MAN1A2: variants seen among roughly 807,000 people sequenced by gnomAD.
The protein encoded by MAN1A2 is mannosyl-oligosaccharide 1,2-alpha-mannosidase IB.
Under a neutral mutation model 75.7 loss-of-function variants are expected in MAN1A2, and 26 were observed. The observed-to-expected ratio is 0.34, with a 90% confidence interval of 0.25 to 0.48. The LOEUF is 0.48. Ranked by LOEUF, MAN1A2 falls within the 20% of genes least tolerant of loss-of-function variation. The probability of loss-of-function intolerance (pLI) is 0.99; values close to 1 mark genes in which losing one functional copy is unlikely to be tolerated. For missense variants in MAN1A2, 562 were observed against 775.5 expected (o/e 0.72, Z 3.27); for synonymous variants, 247 against 264.6 (o/e 0.93, Z 0.65).
chr1:117,504,855 A>C (rs575724139), intron 12 of MAN1A2, among the ~76,000 whole-genome samples: 28 of 151,480 alleles, frequency 1.8e-4, no homozygotes, highest in African/African-American at 6.3e-4. Flanking sequence ...ACATGATCAG[A>C]TTTAGGTTAA....
At chr1:117,521,439 A>T (rs1443819303) in intron 12 of MAN1A2, among the ~76,000 whole-genome samples, 3 of 151,898 alleles carry the variant, frequency 2.0e-5, no homozygotes, top group African/African-American at 7.2e-5. Context: ...CAACATCACT[A>T]ATGATCAGGG....
intron 5 of MAN1A2, among the ~76,000 whole-genome samples, chr1:117,440,171 G>A (rs986173852): frequency 1.3e-5 from 2 of 152,182 alleles, no homozygotes; most frequent in Non-Finnish European, 1.5e-5. Context: ...TTCAGAATGT[G>A]TGATATTCTG....
At chr1:117,394,133 G>A (rs1163958252) in intron 1 of MAN1A2, among the ~76,000 whole-genome samples, 4 of 151,522 alleles carry the variant, frequency 2.6e-5, no homozygotes, top group Non-Finnish European at 1.5e-5. Context: ...CCAGGCTGGA[G>A]TGCAGTGGCG....
At chr1:117,490,429 T>C (rs537818073) in intron 8 of MAN1A2, among the ~76,000 whole-genome samples, 1 of 152,176 alleles carries the variant, frequency 6.6e-6, no homozygotes, top group African/African-American at 2.4e-5. Context: ...ACAGCACCCA[T>C]AGAAAATGAC....
rs141939845 is a variant in MAN1A2 at position 117,506,611 on chromosome 1, A to G, written c.1793+3641A>G. ...ACAGGAAATAAAACACAAGCAATAT[A>G]TACAACAAATTTTAAATACATTAAG... On this transcript the variant is annotated intron_variant, in intron 12 of 12. Coordinates refer to ENST00000356554, the MANE Select transcript of MAN1A2 (RefSeq NM_006699.5). Among the ~76,000 whole-genome samples the G allele has an allele frequency of 1.7e-3, 263 of 151,860 alleles. No individual in the cohort carries two copies. The South Asian group carries it at 0.019, about 11-fold the overall frequency.
rs1018232103 is a variant in MAN1A2 at position 117,457,940 on chromosome 1, A to T, written c.951-2549A>T. Among the ~76,000 whole-genome samples, 7 of 152,100 alleles carry T rather than the reference A, an allele frequency of 4.6e-5. No individual in the cohort carries two copies. In the East Asian group the frequency reaches 7.7e-4, roughly 17 times the overall value. ...CTCCTTCCTTTCCCTCAAGGCCATT[A>T]CATCTGCTGTTTCCCTTACTGGGAA... On this transcript the variant is annotated intron_variant, in intron 6 of 12. Coordinates refer to ENST00000356554, the MANE Select transcript of MAN1A2 (RefSeq NM_006699.5).
chr1:117,509,944 T>C (rs1476243588), intron 12 of MAN1A2, among the ~76,000 whole-genome samples: 1 of 151,612 alleles, frequency 6.6e-6, no homozygotes, highest in Non-Finnish European at 1.5e-5. Flanking sequence ...TAAAAATATA[T>C]ATAATATATA....
intron 5 of MAN1A2, among the ~76,000 whole-genome samples, chr1:117,423,220 T>C (rs1648254671): frequency 6.6e-6 from 1 of 152,196 alleles, no homozygotes; most frequent in African/African-American, 2.4e-5. Context: ...ACTCTAGACA[T>C]TCTGTTTTGT....
Position 117,414,794 on chromosome 1 carries a change from G to C in MAN1A2, c.737G>C (p.Gly246Ala), listed in dbSNP as rs750157675. The C allele has an allele frequency of 6.2e-7, 1 of 1,609,152 alleles. No homozygotes were observed. Among genetic ancestry groups the C allele is most frequent in the Non-Finnish European group, 8.5e-7 (1 of 1,176,214 alleles). ...GGACTTCATGATGAATTCCTAGATG[G>C]GCAAAGATGGATTGAAGACAACCTT... ...IMGLHDEFLD[G>A]QRWIEDNLDF... is the part of the protein sequence containing the mutation. Residue 246 changes from glycine to alanine, a missense_variant, in exon 4 of 13, where the codon GGG (glycine) becomes GCG (alanine). Gly to Ala is a moderately conservative substitution (Grantham distance 60, BLOSUM62 0). Coordinates refer to ENST00000356554, the MANE Select transcript of MAN1A2 (RefSeq NM_006699.5).
intron 1 of MAN1A2, among the ~76,000 whole-genome samples, chr1:117,376,718 G>A (rs749962398): frequency 6.6e-6 from 1 of 152,214 alleles, no homozygotes; most frequent in Non-Finnish European, 1.5e-5. Context: ...TTGGCCCTCT[G>A]TATCCATAGG....
chr1:117,389,561 G>A lies in MAN1A2; in HGVS notation c.303-12625G>A, dbSNP rs137978289. On this transcript the variant is annotated intron_variant, in intron 1 of 12. Coordinates refer to ENST00000356554, the MANE Select transcript of MAN1A2 (RefSeq NM_006699.5). ...GGACTGGTACTGATCTGTGGCCTGG[G>A]GGTTGGGGATCACTGCATTACAGGA... is the stretch of plus-strand genomic sequence containing the variant. Among the ~76,000 whole-genome samples, 6 of 152,236 alleles carry A rather than the reference G, an allele frequency of 3.9e-5. No homozygotes were observed. The South Asian group carries it at 6.2e-4, about 16-fold the overall frequency.
chr1:117,498,073 T>G (rs1259250331), intron 10 of MAN1A2, among the ~76,000 whole-genome samples: 4 of 151,888 alleles, frequency 2.6e-5, no homozygotes, highest in Non-Finnish European at 4.4e-5. Context: ...AGGGTTCCAT[T>G]TCTTGAAAGA....
intron 5 of MAN1A2, among the ~76,000 whole-genome samples, chr1:117,422,147 A>C (rs1648220825): frequency 6.6e-6 from 1 of 152,130 alleles, no homozygotes; most frequent in African/African-American, 2.4e-5. Context: ...CACCAGCATG[A>C]TCAAGATACA....
At chr1:117,511,918 C>T (rs574860965) in intron 12 of MAN1A2, among the ~76,000 whole-genome samples, 18 of 152,132 alleles carry the variant, frequency 1.2e-4, no homozygotes, top group Admixed American at 3.3e-4. Context: ...GCAGTATCTA[C>T]GGTAGGGCCA....
intron 8 of MAN1A2, among the ~76,000 whole-genome samples, chr1:117,488,106 G>A (rs1346128741): frequency 6.6e-6 from 1 of 151,916 alleles, no homozygotes; most frequent in East Asian, 1.9e-4. Flanking sequence ...GTAATACCCA[G>A]CCACTTAATG....
rs1652048618 is a variant in MAN1A2, at chr1:117,526,990, CTTTG to C, written c.*4036_*4039del. ...TTATACACAGATAATTTTTAATACT[CTTTG>C]TTAACAAACACAGTTGAAAACTGGT... On this transcript the variant is annotated 3_prime_UTR_variant, in exon 13 of 13. Transcript: ENST00000356554. The C allele has an allele frequency of 6.7e-6, 1 of 149,276 alleles. No individual in the cohort carries two copies. Among genetic ancestry groups the C allele is most frequent in the Admixed American group, 6.7e-5 (1 of 14,880 alleles). 9.2% of individuals were successfully genotyped at this position (149,276 alleles called of 1,614,324 possible).
intron 3 of MAN1A2, among the ~76,000 whole-genome samples, chr1:117,411,150 T>A (rs1048096438): frequency 4.0e-5 from 6 of 151,538 alleles, no homozygotes; most frequent in Non-Finnish European, 7.4e-5. Flanking sequence ...GTAATTTTTT[T>A]AAAAAAAACC....
At position 117,523,846 on chromosome 1, in the gene MAN1A2, A is replaced by G. The variant is rs1651935844; in HGVS notation, c.*889A>G. On this transcript the variant is annotated 3_prime_UTR_variant, in exon 13 of 13. Transcript: ENST00000356554. ...ATTATTTTTCCAGACCAACACATCT[A>G]CCAAGTAAATTTTATTCACTTTAAT... The G allele has an allele frequency of 6.6e-6, 1 of 151,870 alleles. No homozygotes were observed. Among genetic ancestry groups the G allele is most frequent in the Non-Finnish European group, 1.5e-5 (1 of 67,836 alleles). 9.4% of individuals were successfully genotyped at this position (151,870 alleles called of 1,614,324 possible). A position where few individuals can be genotyped will look rare whatever the true frequency, so the allele number is the denominator to read the frequency against.
rs115855245 is a variant in MAN1A2 at position 117,391,810 on chromosome 1, C to A, written c.303-10376C>A. 5.6e-4 allele frequency among the ~76,000 whole-genome samples: 85 copies of A among 152,258 alleles called. 1 individual carries two copies. The highest frequency in any genetic ancestry group is 2.0e-3 in the African/African-American group (85 of 41,554). ...ACTCCTTCCCTTTATCCCAAATCAC[C>A]CTTTCTTTCTTTGTTCTTGGTTCAG... On this transcript the variant is annotated intron_variant, in intron 1 of 12. Transcript: ENST00000356554.
Sources: gnomAD v4.1 joint callset for allele counts (sites outside exome capture counted in the v4.1 genomes callset) on GRCh38, gnomAD v4.1.1 for gene constraint, MANE v1.5 for transcripts, NCBI Gene and HGNC (gene_info 2026-07-23, HGNC 2026-07-21) for gene names.